The following CHODL variants were observed in gnomAD, a reference collection of about 807,000 sequenced individuals.
CHODL encodes the protein transmembrane protein MT75.
Under a neutral mutation model 34.5 loss-of-function variants are expected in CHODL, and 29 were observed. The observed-to-expected ratio is 0.84, with a 90% confidence interval of 0.63 to 1.15. The LOEUF (loss-of-function observed/expected upper bound fraction) is 1.15. CHODL is among the 50% of genes most tolerant of loss of function. CHODL has a pLI of 0.00. For missense variants in CHODL, 332 were observed against 332.5 expected (o/e 1.00, Z 0.01); for synonymous variants, 125 against 116.1 (o/e 1.08, Z -0.49).
At chr21:18,240,037 A>T (rs1174985647), upstream of CHODL, among the ~76,000 whole-genome samples, 2 of 152,064 alleles carry the variant, frequency 1.3e-5, no homozygotes, top group East Asian at 1.9e-4. Flanking sequence ...GGACTCTAGA[A>T]ATATCTAGCA....
intron 2 of CHODL, among the ~76,000 whole-genome samples, chr21:18,142,718 G>T (rs2072817856): frequency 1.3e-5 from 2 of 152,030 alleles, no homozygotes; most frequent in Non-Finnish European, 1.5e-5. Flanking sequence ...TGATCAAATG[G>T]TCTTTTCTTA....
chr21:17,944,848 C>G (rs548072705), intron 1 of CHODL, among the ~76,000 whole-genome samples: 2 of 152,184 alleles, frequency 1.3e-5, no homozygotes, highest in Non-Finnish European at 2.9e-5. Context: ...AAGGGGCTGT[C>G]TTTTCAGATG....
At chr21:18,063,977 T>C (rs555014624) in intron 2 of CHODL, among the ~76,000 whole-genome samples, 6 of 152,182 alleles carry the variant, frequency 3.9e-5, no homozygotes, top group Non-Finnish European at 8.8e-5. Context: ...CTAGATGATG[T>C]CCCTGTTTCC....
At chr21:18,090,335 A>G (rs909220511) in intron 2 of CHODL, among the ~76,000 whole-genome samples, 2 of 152,188 alleles carry the variant, frequency 1.3e-5, no homozygotes, top group Non-Finnish European at 1.5e-5. Context: ...TGTGCCAAGG[A>G]TGCCTATTTA....
At chr21:18,254,643 T>C (rs760972557) in intron 1 of CHODL, among the ~76,000 whole-genome samples, 1 of 152,148 alleles carries the variant, frequency 6.6e-6, no homozygotes, top group Non-Finnish European at 1.5e-5. Flanking sequence ...AGAAAGTCCA[T>C]TGCTTATAGA....
At chr21:18,223,242 A>G (rs1272277458) in intron 2 of CHODL, among the ~76,000 whole-genome samples, 1 of 152,234 alleles carries the variant, frequency 6.6e-6, no homozygotes, top group Non-Finnish European at 1.5e-5. Flanking sequence ...CTGTATCTCC[A>G]ACAGCTATAA....
At chr21:17,943,680 A>G (rs536659867) in intron 1 of CHODL, among the ~76,000 whole-genome samples, 22 of 152,194 alleles carry the variant, frequency 1.4e-4, no homozygotes, top group South Asian at 4.1e-4. Context: ...AATGAACAAT[A>G]TCTGAATTAG....
intron 2 of CHODL, among the ~76,000 whole-genome samples, chr21:18,143,828 T>A (rs1389868486): frequency 6.6e-6 from 1 of 152,122 alleles, no homozygotes; most frequent in Non-Finnish European, 1.5e-5. Context: ...GAAAAATTAC[T>A]TCCTGCTACT....
intron 1 of CHODL, among the ~76,000 whole-genome samples, chr21:18,001,778 T>TC (rs1491250950): frequency 5.7e-5 from 4 of 70,616 alleles, no homozygotes; most frequent in African/African-American, 3.6e-4. Flanking sequence ...ATCCTCTTTT[T>TC]TTTTTTTTTT....
At chr21:18,248,665 GTATAATACA>G (rs2074177185) in intron 1 of CHODL, among the ~76,000 whole-genome samples, 2 of 94,864 alleles carry the variant, frequency 2.1e-5, no homozygotes, top group African/African-American at 9.2e-5. Context: ...ACATATATAT[GTATAATACA>G]TATATGTATA....
chr21:17,993,014 T>C (rs558492054), intron 1 of CHODL, among the ~76,000 whole-genome samples: 20 of 152,266 alleles, frequency 1.3e-4, no homozygotes, highest in African/African-American at 1.2e-4. Context: ...TTACTTCCTC[T>C]TTTGCAATTT....
At chr21:18,143,394 T>G (rs2072826256) in intron 2 of CHODL, among the ~76,000 whole-genome samples, 1 of 152,180 alleles carries the variant, frequency 6.6e-6, no homozygotes, top group South Asian at 2.1e-4. Flanking sequence ...TGTTTCATGA[T>G]TTTAATTATT....
intron 2 of CHODL, among the ~76,000 whole-genome samples, chr21:18,168,565 A>G (rs1402744096): frequency 6.6e-6 from 1 of 152,190 alleles, no homozygotes; most frequent in African/African-American, 2.4e-5. Flanking sequence ...GGCCATTTGT[A>G]TGTCTTCTAT....
chr21:18,119,476 T>C (rs1475900858), intron 2 of CHODL, among the ~76,000 whole-genome samples: 2 of 151,998 alleles, frequency 1.3e-5, no homozygotes, highest in African/African-American at 4.8e-5. Context: ...GAAACTCCAA[T>C]AAAGGGGTTG....
intron 2 of CHODL, among the ~76,000 whole-genome samples, chr21:18,228,250 C>T (rs965403568): frequency 5.9e-5 from 9 of 152,128 alleles, no homozygotes; most frequent in African/African-American, 2.2e-4. Flanking sequence ...GATGTTGCAA[C>T]ATGAGACAGC....
chr21:17,998,642 C>T, intron 1 of CHODL, among the ~76,000 whole-genome samples: 1 of 152,230 alleles, frequency 6.6e-6, no homozygotes, highest in East Asian at 1.9e-4. Context: ...CACCCACAGG[C>T]TCAACACTAC....
intron 2 of CHODL, among the ~76,000 whole-genome samples, chr21:18,031,340 T>C (rs948326140): frequency 2.0e-5 from 3 of 152,082 alleles, no homozygotes; most frequent in Non-Finnish European, 4.4e-5. Flanking sequence ...TTTAATTGTT[T>C]ACTTAGTTAG....
intron 1 of CHODL, among the ~76,000 whole-genome samples, chr21:17,982,435 A>G (rs947104054): frequency 6.6e-6 from 1 of 152,172 alleles, no homozygotes; most frequent in Non-Finnish European, 1.5e-5. Context: ...TTTGGGCACG[A>G]ACAATATACA....
At chr21:18,071,837 A>G (rs2033562853) in intron 2 of CHODL, among the ~76,000 whole-genome samples, 1 of 152,152 alleles carries the variant, frequency 6.6e-6, no homozygotes. Flanking sequence ...ACTTACCAAT[A>G]CATACTACAA....
Sources: allele counts gnomAD v4.1 joint callset (sites outside exome capture counted in the v4.1 genomes callset), GRCh38; gene constraint gnomAD v4.1.1; transcripts MANE v1.5; gene names NCBI Gene and HGNC (gene_info 2026-07-23, HGNC 2026-07-21).